Variants in IL16 observed in about 807,000 individuals in gnomAD.
IL16 encodes the protein pro-interleukin-16.
In IL16, 67 loss-of-function variants were observed where a neutral mutation model predicts 110.1. The ratio of observed to expected loss-of-function variants is 0.61; its 90% CI spans 0.50 to 0.75. The LOEUF (loss-of-function observed/expected upper bound fraction) is 0.75. Among genes scored for constraint, IL16 ranks in the 30% least tolerant of loss-of-function variants. The pLI is 0.00. For missense variants in IL16, 1,545 were observed against 1,655.0 expected (o/e 0.93, Z 1.15); for synonymous variants, 689 against 662.9 (o/e 1.04, Z -0.61).
At chr15:81,254,673 T>C (rs1021539135) in intron 2 of IL16, among the ~76,000 whole-genome samples, 2 of 152,184 alleles carry the variant, frequency 1.3e-5, no homozygotes, top group Non-Finnish European at 2.9e-5. Context: ...CTGACCTCGA[T>C]GACAAATCCT....
chr15:81,269,980 A>G lies in IL16; in HGVS notation c.675+332A>G, dbSNP rs75248488. ...TGATACATAAATCCAAATTGTTTAC[A>G]TAGATTTCTGGATCCTGAGTTTACC... On this transcript the variant is annotated intron_variant, in intron 5 of 18. Transcript: ENST00000683961. Among the ~76,000 whole-genome samples, 436 of 152,354 alleles carry G rather than the reference A, an allele frequency of 2.9e-3. 3 individuals are homozygous for G. Among genetic ancestry groups the G allele is most frequent in the African/African-American group, 0.01 (418 of 41,572 alleles).
chr15:81,286,892 G>C (rs1272331312), intron 10 of IL16, among the ~76,000 whole-genome samples: 1 of 152,174 alleles, frequency 6.6e-6, no homozygotes, highest in African/African-American at 2.4e-5. Flanking sequence ...AAGGTGAAAG[G>C]CATGTCTTAC....
intron 2 of IL16, among the ~76,000 whole-genome samples, chr15:81,254,672 A>T (rs1595997571): frequency 6.6e-6 from 1 of 152,184 alleles, no homozygotes; most frequent in East Asian, 1.9e-4. Context: ...CCTGACCTCG[A>T]TGACAAATCC....
intron 1 of IL16, among the ~76,000 whole-genome samples, chr15:81,213,646 C>T (rs1896325459): frequency 6.6e-6 from 1 of 152,098 alleles, no homozygotes; most frequent in African/African-American, 2.4e-5. Context: ...ATATAATGCC[C>T]TTCATTGTCA....
intron 1 of IL16, among the ~76,000 whole-genome samples, chr15:81,222,745 G>GAC (rs71718505): frequency 0.082 from 12,122 of 148,288 alleles, 554 homozygotes; most frequent in East Asian, 0.2. Flanking sequence ...CACACTCACA[G>GAC]ACACACACAC....
At chr15:81,231,377 T>TCTCTCTCTCTCC (rs1567008795) in intron 2 of IL16, among the ~76,000 whole-genome samples, 2 of 144,308 alleles carry the variant, frequency 1.4e-5, no homozygotes, top group African/African-American at 5.5e-5. Flanking sequence ...TCTCTCTCTC[T>TCTCTCTCTCTCC]CTCTCCCTCT....
At chr15:81,297,120 A>T (rs773900781) in intron 13 of IL16, 42 bp downstream of exon 13, 3 of 1,580,766 alleles carry the variant, frequency 1.9e-6, no homozygotes, top group Non-Finnish European at 2.6e-6. Context: ...GGGTCTTTTG[A>T]AAAAAGGTGC....
At chr15:81,291,915 A>G (rs1207277509) in intron 11 of IL16, 1 of 455,840 alleles carries the variant, frequency 2.2e-6, no homozygotes, top group African/African-American at 2.0e-5. Context: ...TATCATCCTC[A>G]TTTTACAGAT....
At chr15:81,301,203 G>C in intron 14 of IL16, 141 bp from the exon 15 acceptor site, 1 of 627,878 alleles carries the variant, frequency 1.6e-6, no homozygotes, top group South Asian at 2.1e-5. Flanking sequence ...AGGTATGCTA[G>C]TATCTACTCA....
chr15:81,306,535 G>A lies in IL16; in HGVS notation c.3795G>A (p.Arg1265=), dbSNP rs1900571759. Residue 1265 remains arginine, a synonymous_variant, in exon 18 of 19, where the codon AGG becomes AGA. Transcript: ENST00000683961. ...GAGACAAGCCTCTCACCATTAACAG[G>A]ATTTTCAAAGGTGTGGGGTGTGTCT... ...LHGDKPLTIN[R]IFKGAASEQS... is the part of the protein sequence containing the mutation. 6.2e-7 allele frequency: 1 copy of A among 1,612,906 alleles called. No individual in the cohort carries two copies. The highest frequency in any genetic ancestry group is 1.3e-5 in the African/African-American group (1 of 74,936).
rs543976624 is a variant in IL16 at position 81,287,568 on chromosome 15, T to C, written c.1332+1738T>C. ...TGCATTTAGTTGTTGTGCAGCCTCC[T>C]GAAATCAGTGTGATATTTCCCCCCC... On this transcript the variant is annotated intron_variant, in intron 10 of 18. Coordinates refer to ENST00000683961, the MANE Select transcript of IL16 (RefSeq NM_172217.5). Among the ~76,000 whole-genome samples, 6 of 152,310 alleles carry C rather than the reference T, an allele frequency of 3.9e-5. No individual in the cohort carries two copies. In the South Asian group the frequency reaches 1.2e-3, roughly 32 times the overall value.
chr15:81,288,807 C>A (rs575767009), intron 10 of IL16, among the ~76,000 whole-genome samples: 2 of 149,842 alleles, frequency 1.3e-5, no homozygotes, highest in Admixed American at 6.7e-5. Context: ...TTTTTAAGGT[C>A]GAATAATCTT....
At chr15:81,264,982 A>G (rs1008235446) in intron 3 of IL16, among the ~76,000 whole-genome samples, 8 of 152,222 alleles carry the variant, frequency 5.3e-5, no homozygotes, top group Admixed American at 4.6e-4. Context: ...TTTGGGAAGC[A>G]CTGTTGTAGA....
At chr15:81,275,359 AGGGGGGGGAGGG>A (rs1898855971) in intron 6 of IL16, among the ~76,000 whole-genome samples, 1 of 9,834 alleles carries the variant, frequency 1.0e-4, no homozygotes, top group Admixed American at 1.2e-3. Context: ...ACGGGGGAGG[AGGGGGGGGAGGG>A]GAGGGGAGGG....
intron 7 of IL16, among the ~76,000 whole-genome samples, 160 bp from the exon 8 acceptor site, chr15:81,279,398 T>C (rs975951215): frequency 1.3e-5 from 2 of 152,274 alleles, no homozygotes; most frequent in African/African-American, 4.8e-5. Flanking sequence ...TGTGTATATA[T>C]ACAAATATGT....
At chr15:81,273,525 G>C (rs1012245403) in intron 6 of IL16, among the ~76,000 whole-genome samples, 2 of 152,002 alleles carry the variant, frequency 1.3e-5, no homozygotes, top group Non-Finnish European at 2.9e-5. Context: ...CCATTCTCTC[G>C]GCTGTCTTTC....
intron 3 of IL16, among the ~76,000 whole-genome samples, chr15:81,261,343 C>T (rs72746149): frequency 0.031 from 4,667 of 152,318 alleles, 112 homozygotes; most frequent in Non-Finnish European, 0.048. Flanking sequence ...AGCTGAACCC[C>T]GCAGAGCTCC....
At chr15:81,270,724 C>A (rs117394490) in intron 5 of IL16, among the ~76,000 whole-genome samples, 5 of 152,108 alleles carry the variant, frequency 3.3e-5, no homozygotes, top group Non-Finnish European at 7.4e-5. Context: ...AAATGGTAAA[C>A]GCCACCAAAA....
At chr15:81,197,330 C>T (rs1286796573) in intron 1 of IL16, among the ~76,000 whole-genome samples, 178 bp downstream of exon 1, 1 of 152,196 alleles carries the variant, frequency 6.6e-6, no homozygotes, top group Non-Finnish European at 1.5e-5. Context: ...GTAGGAATCT[C>T]TGTGTCACCA....
Sources: allele counts gnomAD v4.1 joint callset (sites outside exome capture counted in the v4.1 genomes callset), GRCh38; gene constraint gnomAD v4.1.1; transcripts MANE v1.5; gene names NCBI Gene and HGNC (gene_info 2026-07-23, HGNC 2026-07-21).